Variants in ROBO1 observed in about 807,000 individuals in gnomAD.
ROBO1 encodes roundabout homolog 1.
Under a neutral mutation model 195.9 loss-of-function variants are expected in ROBO1, and 149 were observed. The ratio of observed to expected loss-of-function variants is 0.76; its 90% CI spans 0.67 to 0.87. ROBO1 has a LOEUF of 0.87. ROBO1 is among the 40% of genes least tolerant of loss of function. The pLI is 0.00. For synonymous variants in ROBO1, 816 were observed against 733.2 expected (o/e 1.11, Z -1.82); for missense variants, 1,933 against 2,068.3 (o/e 0.93, Z 1.27).
intron 3 of ROBO1, among the ~76,000 whole-genome samples, chr3:79,059,997 G>A (rs1212765676): frequency 3.9e-5 from 6 of 151,966 alleles, no homozygotes; most frequent in Admixed American, 6.6e-5. Context: ...GAGAAATATC[G>A]CTGAATTATT....
chr3:79,272,436 C>T (rs550127821), intron 2 of ROBO1, among the ~76,000 whole-genome samples: 2 of 152,074 alleles, frequency 1.3e-5, no homozygotes, highest in African/African-American at 4.8e-5. Flanking sequence ...GAAAAAAACA[C>T]TTTCCTTAGA....
At chr3:79,071,721 CAT>C (rs2079093053) in intron 3 of ROBO1, among the ~76,000 whole-genome samples, 1 of 5,582 alleles carries the variant, frequency 1.8e-4, no homozygotes, top group Non-Finnish European at 8.2e-4. Context: ...CACACATGCA[CAT>C]GCACACACAC....
chr3:79,731,938 A>T (rs1703164538), intron 1 of ROBO1, among the ~76,000 whole-genome samples: 1 of 152,068 alleles, frequency 6.6e-6, no homozygotes, highest in African/African-American at 2.4e-5. Flanking sequence ...ATCATGCATC[A>T]CTTGATTGTG....
chr3:78,915,928 TGCGAGAGCCGCTGTGCCCA>T (rs2038536198), intron 4 of ROBO1, among the ~76,000 whole-genome samples: 1 of 152,148 alleles, frequency 6.6e-6, no homozygotes, highest in Admixed American at 6.5e-5. Context: ...AAAGTGCAAG[TGCGAGAGCCGCTGTGCCCA>T]GCCTAAAAAA....
chr3:78,979,265 A>G (rs1461959801), intron 3 of ROBO1, among the ~76,000 whole-genome samples: 2 of 152,182 alleles, frequency 1.3e-5, no homozygotes, highest in African/African-American at 4.8e-5. Context: ...TCAGCCTACA[A>G]TAGCATCCTT....
At position 78,688,780 on chromosome 3, in the gene ROBO1, A is replaced by G. The variant is rs1366309981; in HGVS notation, c.1046-8T>C. The G allele has an allele frequency of 2.2e-5, 35 of 1,604,458 alleles. No individual in the cohort carries two copies. Among genetic ancestry groups the G allele is most frequent in the Non-Finnish European group, 2.8e-5 (33 of 1,175,466 alleles). On this transcript the variant is annotated splice_region_variant and splice_polypyrimidine_tract_variant and intron_variant, in intron 8 of 30. Transcript: ENST00000464233. ...CAACAAAATGTGGAGGTTCTGAAGG[A>G]GGTGAAACAAATTACACCGAATTAA...
chr3:79,486,156 C>T (rs9859514), intron 2 of ROBO1, among the ~76,000 whole-genome samples: 55,229 of 151,922 alleles, frequency 0.36, 10,301 homozygotes, highest in African/African-American at 0.44. Flanking sequence ...GAAGAGTGAG[C>T]AGCATAGTAA....
intron 5 of ROBO1, among the ~76,000 whole-genome samples, chr3:78,745,492 T>C (rs976572798): frequency 2.0e-5 from 3 of 152,124 alleles, no homozygotes; most frequent in African/African-American, 7.2e-5. Context: ...AAGGGCAAAG[T>C]ATTCTTACCT....
intron 8 of ROBO1, among the ~76,000 whole-genome samples, chr3:78,696,643 T>TATATATACAC (rs1559756544): frequency 8.8e-5 from 13 of 147,844 alleles, no homozygotes; most frequent in Admixed American, 6.1e-4. Context: ...TGCATATATA[T>TATATATACAC]ATATATATAC....
chr3:79,354,523 C>G (rs1423821649), intron 2 of ROBO1, among the ~76,000 whole-genome samples: 1 of 152,080 alleles, frequency 6.6e-6, no homozygotes, highest in Non-Finnish European at 1.5e-5. Context: ...TGCTATAGTC[C>G]ACATTTTTTG....
intron 2 of ROBO1, among the ~76,000 whole-genome samples, chr3:79,153,734 T>C (rs2080811863): frequency 6.8e-6 from 1 of 147,922 alleles, no homozygotes; most frequent in Non-Finnish European, 1.5e-5. Context: ...ATATATTAAA[T>C]AATATAGTAT....
rs1026656322 is a variant in ROBO1, at chr3:79,257,159, A to C, written c.89-131620T>G. Among the ~76,000 whole-genome samples the C allele has an allele frequency of 4.6e-5, 7 of 152,294 alleles. No homozygotes were observed. The East Asian group carries it at 9.7e-4, about 21-fold the overall frequency. ...TTTGTAGAGGAAATCAAGTGAATTA[A>C]ATTGTGTTTATTTAAGCATATCTTT... On this transcript the variant is annotated intron_variant, in intron 2 of 30. Coordinates refer to ENST00000464233, the MANE Select transcript of ROBO1 (RefSeq NM_002941.4).
intron 3 of ROBO1, among the ~76,000 whole-genome samples, chr3:79,110,024 G>A (rs1197841334): frequency 6.6e-6 from 1 of 152,058 alleles, no homozygotes; most frequent in East Asian, 1.9e-4. Context: ...AAGCAACTGA[G>A]AATAGAAGCG....
intron 2 of ROBO1, among the ~76,000 whole-genome samples, chr3:79,373,849 G>A (rs2036288727): frequency 6.6e-6 from 1 of 152,134 alleles, no homozygotes; most frequent in African/African-American, 2.4e-5. Context: ...GGGTCACTAT[G>A]TGGATTTAAA....
At chr3:79,637,469 G>GA (rs71130604) in intron 1 of ROBO1, among the ~76,000 whole-genome samples, 36 of 149,256 alleles carry the variant, frequency 2.4e-4, no homozygotes, top group East Asian at 9.9e-4. Flanking sequence ...TTTTACATTG[G>GA]AAAAAAAAAA....
chr3:79,651,700 G>A (rs1946014016), intron 1 of ROBO1, among the ~76,000 whole-genome samples: 2 of 152,210 alleles, frequency 1.3e-5, no homozygotes, highest in South Asian at 4.1e-4. Context: ...GTTCATGGGT[G>A]AAATGGACAC....
At chr3:78,603,265 C>G (rs1703279731) in intron 29 of ROBO1, among the ~76,000 whole-genome samples, 1 of 152,068 alleles carries the variant, frequency 6.6e-6, no homozygotes, top group Non-Finnish European at 1.5e-5. Flanking sequence ...TCTTACAGTT[C>G]CCTCAATAGA....
intron 3 of ROBO1, among the ~76,000 whole-genome samples, chr3:79,070,319 T>C (rs530608717): frequency 6.6e-6 from 1 of 152,032 alleles, no homozygotes; most frequent in East Asian, 1.9e-4. Flanking sequence ...ATTAATTTCC[T>C]TGAATTCTAG....
rs145990485 is a variant in ROBO1, at chr3:78,762,623, T to C, written c.500-15723A>G. On this transcript the variant is annotated intron_variant, in intron 4 of 30. Transcript: ENST00000464233. The stretch of plus-strand genomic sequence containing the variant: ...TCTTTTGTTCTCCAGGTCAGAACTA[T>C]AGAGAAACTTTACTTGATTCATGCA... 3.8e-4 allele frequency among the ~76,000 whole-genome samples: 58 copies of C among 152,132 alleles called. No homozygotes were observed. In the East Asian group the frequency reaches 0.01, roughly 27 times the overall value.
Sources: allele counts gnomAD v4.1 joint callset (sites outside exome capture counted in the v4.1 genomes callset), GRCh38; gene constraint gnomAD v4.1.1; transcripts MANE v1.5; gene names NCBI Gene and HGNC (gene_info 2026-07-23, HGNC 2026-07-21).